PITPNM2: variants seen among roughly 807,000 people sequenced by gnomAD.
The protein encoded by PITPNM2 is membrane-associated phosphatidylinositol transfer protein 2.
Under a neutral mutation model 132.2 loss-of-function variants are expected in PITPNM2, and 35 were observed. The observed-to-expected ratio is 0.26, with a 90% CI of 0.20 to 0.35. The LOEUF is 0.35. Among genes scored for constraint, PITPNM2 ranks in the 10% least tolerant of loss-of-function variants. The pLI is 1.00. For synonymous variants in PITPNM2, 738 were observed against 799.2 expected, an observed-to-expected ratio of 0.92 and a Z score of 1.29; for missense variants, 1,332 against 1,912.0, an observed-to-expected ratio of 0.70 and a Z score of 5.66.
Position 123,001,085 on chromosome 12 carries a change from C to G in PITPNM2, c.1122G>C (p.Lys374Asn), listed in dbSNP as rs201492249. 6.2e-7 allele frequency: 1 copy of G among 1,614,218 alleles called. No individual in the cohort carries two copies. The highest frequency in any genetic ancestry group is 1.7e-5 in the Admixed American group (1 of 60,026). Residue 374 changes from lysine (K) to asparagine (N), a missense_variant, in exon 9 of 26, where the codon AAG (lysine) becomes AAC (asparagine). Physicochemically the swap from Lys to Asn is moderately conservative, Grantham distance 94. Coordinates refer to ENST00000320201, the MANE Select transcript of PITPNM2 (RefSeq NM_020845.3). ...TKWSSNDLMD[K>N]IESPEPEDTQ... is the part of the protein sequence containing the mutation. The stretch of plus-strand genomic sequence containing the variant: ...TGTCTTCCGGCTCTGGGCTCTCGAT[C>G]TTGTCCATGAGGTCATTGGAGCTCC...
intron 2 of PITPNM2, among the ~76,000 whole-genome samples, chr12:123,076,898 A>G (rs995551844): frequency 6.6e-6 from 1 of 151,922 alleles, no homozygotes; most frequent in Non-Finnish European, 1.5e-5. Flanking sequence ...CTTGTTGACA[A>G]CCAGGGGTTC....
At chr12:123,134,717 T>G (rs1012892313) in intron 1 of PITPNM2, among the ~76,000 whole-genome samples, 3 of 152,194 alleles carry the variant, frequency 2.0e-5, no homozygotes, top group African/African-American at 7.2e-5. Flanking sequence ...AAAAGCCTAT[T>G]TAACTCCAAA....
chr12:123,131,061 C>T (rs898268494), intron 1 of PITPNM2, among the ~76,000 whole-genome samples: 16 of 152,256 alleles, frequency 1.1e-4, no homozygotes, highest in African/African-American at 3.9e-4. Flanking sequence ...ATGGCTTTCA[C>T]ATTCATTCAT....
Position 123,106,428 on chromosome 12 carries a change from G to A in PITPNM2, c.-96+3957C>T, listed in dbSNP as rs1593019353. Among the ~76,000 whole-genome samples, 1 of 151,982 alleles carries A rather than the reference G, an allele frequency of 6.6e-6. No individual in the cohort carries two copies. The highest frequency in any genetic ancestry group is 1.9e-4 in the East Asian group (1 of 5,178). ...ATTCCTTTAAAAAAAAAAACAGGAA[G>A]AAAAGAAAGTACATTCTCAGGAAGA... On this transcript the variant is annotated intron_variant, in intron 2 of 25. Transcript: ENST00000320201. The surrounding 1 kb of genome is among the most constrained non-coding windows in gnomAD (Gnocchi z 4.4).
At chr12:123,104,515 T>C (rs2042646998) in intron 2 of PITPNM2, among the ~76,000 whole-genome samples, 1 of 152,206 alleles carries the variant, frequency 6.6e-6, no homozygotes, top group Non-Finnish European at 1.5e-5. Context: ...GGCCGGTCCT[T>C]GCCTTAAGTG....
In PITPNM2 at chr12:122,996,463, T is replaced by C; in HGVS notation, c.1777A>G (p.Met593Val). Residue 593 changes from methionine to valine, a missense_variant, in exon 13 of 26, where the codon ATG (methionine) becomes GTG (valine). By Grantham distance (21) the Met-to-Val change is conservative. Around this residue, in one of 6 missense-constraint regions of PITPNM2, gnomAD observed 710 missense variants for 911.5 expected, o/e 0.78. Coordinates refer to ENST00000320201, the MANE Select transcript of PITPNM2 (RefSeq NM_020845.3). ...SSSRRGSVVS[M>V]QDNDLLSPGI... is the part of the protein sequence containing the mutation. ...CTGGGCCCCCACTTGGGTACCTGCA[T>C]GCTGACCACGCTGCCCCGGCGGCTG... 1.2e-6 allele frequency: 2 copies of C among 1,613,058 alleles called. No homozygotes were observed. Among genetic ancestry groups the C allele is most frequent in the Non-Finnish European group, 1.7e-6 (2 of 1,180,000 alleles).
At chr12:123,049,846 C>T (rs1030988501) in intron 2 of PITPNM2, among the ~76,000 whole-genome samples, 3 of 152,222 alleles carry the variant, frequency 2.0e-5, no homozygotes, top group African/African-American at 4.8e-5. Context: ...ACAGCAGGTG[C>T]TAGGCAGCCA....
chr12:123,017,984 TTTCCTTCCTTCCTTCC>T (rs1163587142), intron 3 of PITPNM2, among the ~76,000 whole-genome samples: 3,986 of 90,338 alleles, frequency 0.044, 283 homozygotes, highest in African/African-American at 0.16. Context: ...TTCTCTCACT[TTTCCTTCCTTCCTTCC>T]TTCCTTCCTT....
intron 1 of PITPNM2, among the ~76,000 whole-genome samples, chr12:123,125,678 A>G (rs1382649915): frequency 6.6e-6 from 1 of 150,960 alleles, no homozygotes; most frequent in East Asian, 2.0e-4. Context: ...CCCCGTCTCT[A>G]TTAAAAATAC....
At chr12:123,034,284 G>A (rs1182989028) in intron 3 of PITPNM2, 3 of 518,096 alleles carry the variant, frequency 5.8e-6, no homozygotes, top group Non-Finnish European at 1.0e-5. Flanking sequence ...CGTTGTAGGC[G>A]GCGGGACACA....
intron 8 of PITPNM2, among the ~76,000 whole-genome samples, chr12:123,003,375 T>C (rs1380737584): frequency 1.3e-5 from 2 of 152,178 alleles, no homozygotes; most frequent in Non-Finnish European, 2.9e-5. Context: ...GCTTTTTCTA[T>C]GTGAAATACG....
At chr12:123,060,899 G>C (rs1222768868) in intron 2 of PITPNM2, among the ~76,000 whole-genome samples, 1 of 152,058 alleles carries the variant, frequency 6.6e-6, no homozygotes, top group Non-Finnish European at 1.5e-5. Context: ...AAAAATTAAG[G>C]CCCAGAAAAG....
At chr12:123,104,458 G>A (rs1404132271) in intron 2 of PITPNM2, among the ~76,000 whole-genome samples, 4 of 152,156 alleles carry the variant, frequency 2.6e-5, no homozygotes, top group Non-Finnish European at 5.9e-5. Flanking sequence ...ATAAATGGCC[G>A]GTCCTTGCCT....
At chr12:123,035,612 G>A (rs1280861427) in intron 2 of PITPNM2, among the ~76,000 whole-genome samples, 1 of 151,812 alleles carries the variant, frequency 6.6e-6, no homozygotes, top group Non-Finnish European at 1.5e-5. Context: ...GTTGCAGTGA[G>A]CTGAGATCGC....
chr12:123,086,822 C>A (rs192333929), intron 2 of PITPNM2, among the ~76,000 whole-genome samples: 1 of 152,162 alleles, frequency 6.6e-6, no homozygotes, highest in Non-Finnish European at 1.5e-5. Context: ...GACCTACAGC[C>A]GGCTTGCACA....
chr12:123,034,592 T>C lies in PITPNM2; in HGVS notation c.-2A>G. The C allele has an allele frequency of 1.2e-6, 2 of 1,614,114 alleles. No homozygotes were observed. Among genetic ancestry groups the C allele is most frequent in the Non-Finnish European group, 1.7e-6 (2 of 1,179,930 alleles). On this transcript the variant is annotated 5_prime_UTR_variant, in exon 3 of 26. Coordinates refer to ENST00000320201, the MANE Select transcript of PITPNM2 (RefSeq NM_020845.3). ...AATCCGATATTCCTTTATAATCATC[T>C]TGGAGTCCAAGCCTTCCCGTCGATG...
intron 2 of PITPNM2, among the ~76,000 whole-genome samples, chr12:123,042,144 G>A (rs1000068353): frequency 6.6e-5 from 10 of 151,534 alleles, no homozygotes; most frequent in Admixed American, 2.6e-4. Context: ...TCAAGGGCAT[G>A]GCTTCCCACC....
At chr12:122,987,476 C>T (rs745474918) in intron 22 of PITPNM2, 35 bp downstream of exon 22, 5 of 1,611,088 alleles carry the variant, frequency 3.1e-6, no homozygotes, top group Non-Finnish European at 4.2e-6. Flanking sequence ...AGAGCCTCGC[C>T]CTGCCTATCC....
At chr12:123,068,547 T>A (rs2041519951) in intron 2 of PITPNM2, among the ~76,000 whole-genome samples, 1 of 152,188 alleles carries the variant, frequency 6.6e-6, no homozygotes, top group Non-Finnish European at 1.5e-5. Context: ...CCTTAAGAAC[T>A]AACGCAGGGA....
Sources: gnomAD v4.1 joint callset for allele counts (sites outside exome capture counted in the v4.1 genomes callset) on GRCh38, gnomAD v4.1.1 for gene constraint, gnomAD v4.1.1 regional missense constraint, Gnocchi (gnomAD v3.1) non-coding constraint, MANE v1.5 for transcripts, NCBI Gene and HGNC (gene_info 2026-07-23, HGNC 2026-07-21) for gene names.